RNF130: variants seen among roughly 807,000 people sequenced by gnomAD.
The protein encoded by RNF130 is E3 ubiquitin-protein ligase RNF130.
Under a neutral mutation model 44.6 loss-of-function variants are expected in RNF130, and 21 were observed. That is an observed-to-expected ratio of 0.47 (90% confidence interval 0.33 to 0.68). The LOEUF is 0.68. RNF130 is among the 30% of genes least tolerant of loss of function. The pLI is 0.02. For synonymous variants in RNF130, 214 were observed against 210.4 expected (o/e 1.02, Z -0.15); for missense variants, 479 against 560.6 (o/e 0.85, Z 1.47).
chr5:179,986,952 C>G (rs1451745685), intron 3 of RNF130, among the ~76,000 whole-genome samples: 1 of 152,110 alleles, frequency 6.6e-6, no homozygotes, highest in Non-Finnish European at 1.5e-5. Context: ...CCTTATTACC[C>G]AGTTTGTTAC....
chr5:180,068,532 T>C (rs1348523), intron 1 of RNF130, among the ~76,000 whole-genome samples: 27,465 of 152,284 alleles, frequency 0.18, 2,591 homozygotes, highest in Admixed American at 0.21. Flanking sequence ...ACGTAAAGTA[T>C]AGCACTTGCC....
At chr5:179,938,676 T>A (rs1761932098) in intron 7 of RNF130, among the ~76,000 whole-genome samples, 1 of 152,236 alleles carries the variant, frequency 6.6e-6, no homozygotes, top group Non-Finnish European at 1.5e-5. Context: ...CAAAATTAAG[T>A]TGCCAGCATT....
chr5:180,002,916 T>C (rs151251309), intron 3 of RNF130, among the ~76,000 whole-genome samples: 30 of 152,188 alleles, frequency 2.0e-4, no homozygotes, highest in Admixed American at 5.2e-4. Flanking sequence ...AACTCAGATC[T>C]GGGTTGTTAT....
intron 1 of RNF130, among the ~76,000 whole-genome samples, chr5:180,063,243 G>C (rs939596147): frequency 6.6e-6 from 1 of 152,240 alleles, no homozygotes; most frequent in Non-Finnish European, 1.5e-5. Context: ...CCAAGAAAAA[G>C]AGAGTAGGAA....
intron 1 of RNF130, among the ~76,000 whole-genome samples, chr5:180,056,154 C>A (rs766511282): frequency 2.0e-4 from 30 of 151,166 alleles, no homozygotes; most frequent in East Asian, 5.8e-4. Flanking sequence ...AAAAGAAAGT[C>A]AAAAAACTAG....
chr5:179,972,805 G>A (rs780949449), intron 5 of RNF130, among the ~76,000 whole-genome samples: 1 of 152,134 alleles, frequency 6.6e-6, no homozygotes, highest in Non-Finnish European at 1.5e-5. Flanking sequence ...AGCTGCATGA[G>A]TACAGTGTTC....
intron 6 of RNF130, among the ~76,000 whole-genome samples, chr5:179,967,531 T>C (rs942882174): frequency 1.3e-5 from 2 of 152,342 alleles, no homozygotes; most frequent in East Asian, 1.9e-4. Context: ...TTTTGAACTA[T>C]AAGAAAATGA....
In RNF130 at chr5:179,966,810, T is replaced by C. The variant is rs1762459285; in HGVS notation, c.1146A>G (p.Val382=). The change falls in exon 7 of 9, where the codon GTA becomes GTG. Residue 382 remains valine, a synonymous_variant. Transcript: ENST00000521389. ...TPRTGEINIA[V]TKEWFIIASF... is the part of the protein sequence containing the mutation. ...TGAGCGGAGGCCCCCACTTACTTGT[T>C]ACTGCAATGTTGATTTCTCCTGTTC... 2 of 1,613,508 alleles carry C rather than the reference T, an allele frequency of 1.2e-6. No homozygotes were observed. Among genetic ancestry groups the C allele is most frequent in the Non-Finnish European group, 8.5e-7 (1 of 1,179,726 alleles).
chr5:179,919,658 C>CA (rs1761599741), exon 8 of RNF130: 1 of 152,468 alleles, frequency 6.6e-6, no homozygotes, highest in African/African-American at 2.4e-5. Flanking sequence ...TCATGCTCAA[C>CA]ACGGAGGCTG....
chr5:179,989,266 T>A (rs1475610875), intron 3 of RNF130, among the ~76,000 whole-genome samples: 1 of 152,146 alleles, frequency 6.6e-6, no homozygotes, highest in Non-Finnish European at 1.5e-5. Flanking sequence ...ACTGGGTCCC[T>A]CACATGACAC....
chr5:180,042,274 G>C (rs1197838280), intron 1 of RNF130, among the ~76,000 whole-genome samples: 2 of 152,160 alleles, frequency 1.3e-5, no homozygotes, highest in Non-Finnish European at 2.9e-5. Flanking sequence ...ATTGTGGTGA[G>C]AGACTGCACC....
At chr5:179,985,086 C>G (rs1301822559) in intron 3 of RNF130, among the ~76,000 whole-genome samples, 1 of 150,718 alleles carries the variant, frequency 6.6e-6, no homozygotes, top group Non-Finnish European at 1.5e-5. Context: ...TTTAATTACT[C>G]TGGTGTAGTA....
Position 179,959,167 on chromosome 5 carries a change from A to G in RNF130, c.1245-3498T>C, listed in dbSNP as rs1214332183. Among the ~76,000 whole-genome samples the G allele has an allele frequency of 4.6e-5, 7 of 152,306 alleles. No homozygotes were observed. In the East Asian group the frequency reaches 1.3e-3, roughly 29 times the overall value. ...ACTAAGATCTTGGTAGGCATTCAAT[A>G]AACAGTAGTTATTCTCATCTTTGTT... is the stretch of plus-strand genomic sequence containing the variant. On this transcript the variant is annotated intron_variant, in intron 8 of 8. Coordinates refer to ENST00000521389, the MANE Select transcript of RNF130 (RefSeq NM_018434.6).
intron 7 of RNF130, among the ~76,000 whole-genome samples, chr5:179,937,243 C>T (rs374258848): frequency 2.1e-4 from 25 of 118,000 alleles, no homozygotes; most frequent in African/African-American, 6.2e-4. Flanking sequence ...TTGAAAGATG[C>T]TATCAAGAAA....
At chr5:179,956,856 A>G (rs1035774495) in intron 8 of RNF130, among the ~76,000 whole-genome samples, 3 of 152,194 alleles carry the variant, frequency 2.0e-5, no homozygotes, top group African/African-American at 7.2e-5. Flanking sequence ...CAGCACTGCG[A>G]GCCCCGTGCT....
At chr5:180,045,377 GTTCGTGGTCTCACTGAC>G (rs1415864180) in intron 1 of RNF130, among the ~76,000 whole-genome samples, 2 of 152,164 alleles carry the variant, frequency 1.3e-5, no homozygotes, top group Non-Finnish European at 2.9e-5. Flanking sequence ...TTACTGGTGG[GTTCGTGGTCTCACTGAC>G]TTCAAGAGTG....
intron 2 of RNF130, 35 bp from the exon 3 acceptor site, chr5:180,013,346 A>T: frequency 6.5e-7 from 1 of 1,549,922 alleles, no homozygotes. Context: ...CTCAAGTGAC[A>T]TTTAAAACTT....
chr5:180,048,274 C>G (rs1001418244), intron 1 of RNF130, among the ~76,000 whole-genome samples: 1 of 152,034 alleles, frequency 6.6e-6, no homozygotes, highest in African/African-American at 2.4e-5. Flanking sequence ...GGAAGGGGCA[C>G]GGAAGGGAGT....
At chr5:180,029,281 T>TA (rs1381275141) in intron 2 of RNF130, among the ~76,000 whole-genome samples, 3 of 152,232 alleles carry the variant, frequency 2.0e-5, no homozygotes, top group African/African-American at 7.2e-5. Context: ...CTGAGACAGC[T>TA]ATGGAAACAG....
Sources: gnomAD v4.1 joint callset for allele counts (sites outside exome capture counted in the v4.1 genomes callset) on GRCh38, gnomAD v4.1.1 for gene constraint, MANE v1.5 for transcripts, NCBI Gene and HGNC (gene_info 2026-07-23, HGNC 2026-07-21) for gene names.